SLCO5A1: variants seen among roughly 807,000 people sequenced by gnomAD.
SLCO5A1 encodes organic anion transporter polypeptide-related protein 4.
In SLCO5A1, 39 loss-of-function variants were observed where a neutral mutation model predicts 65.1. The ratio of observed to expected loss-of-function variants is 0.60; its 90% CI spans 0.46 to 0.78. The LOEUF is 0.78. Among genes scored for constraint, SLCO5A1 ranks in the 30% least tolerant of loss-of-function variants. SLCO5A1 has a pLI of 0.00. For synonymous variants in SLCO5A1, 438 were observed against 415.7 expected (o/e 1.05, Z -0.65); for missense variants, 1,029 against 1,069.4 (o/e 0.96, Z 0.53).
At chr8:69,735,908 C>T (rs1816533323) in intron 5 of SLCO5A1, among the ~76,000 whole-genome samples, 1 of 152,030 alleles carries the variant, frequency 6.6e-6, no homozygotes, top group South Asian at 2.1e-4. Flanking sequence ...ATTTGACAGG[C>T]CCCCCTCTAC....
At chr8:69,821,687 C>T (rs1563375204) in intron 2 of SLCO5A1, among the ~76,000 whole-genome samples, 2 of 151,640 alleles carry the variant, frequency 1.3e-5, no homozygotes, top group Non-Finnish European at 2.9e-5. Context: ...ACTTGTAGTC[C>T]CACCTACTCA....
chr8:69,773,176 C>A (rs373724950), intron 2 of SLCO5A1, among the ~76,000 whole-genome samples: 1 of 152,182 alleles, frequency 6.6e-6, no homozygotes, highest in African/African-American at 2.4e-5. Context: ...GCACCCTAGG[C>A]CCATCCTGTG....
chr8:69,740,225 G>A (rs1816737563), intron 4 of SLCO5A1, among the ~76,000 whole-genome samples: 1 of 152,184 alleles, frequency 6.6e-6, no homozygotes, highest in Non-Finnish European at 1.5e-5. Flanking sequence ...CTGGGGCTGA[G>A]CTTTCAGCCT....
chr8:69,678,506 G>T (rs747631817), intron 8 of SLCO5A1, among the ~76,000 whole-genome samples: 2 of 152,252 alleles, frequency 1.3e-5, no homozygotes, highest in Middle Eastern at 3.4e-3. Flanking sequence ...ACACTTACAC[G>T]TAGACAGATA....
At chr8:69,768,272 T>A (rs1045027138) in intron 2 of SLCO5A1, among the ~76,000 whole-genome samples, 12 of 152,194 alleles carry the variant, frequency 7.9e-5, no homozygotes, top group African/African-American at 2.9e-4. Flanking sequence ...TTTTATAGAT[T>A]GATTACATAT....
intron 2 of SLCO5A1, among the ~76,000 whole-genome samples, chr8:69,820,811 C>T (rs1158786250): frequency 6.6e-6 from 1 of 151,958 alleles, no homozygotes. Flanking sequence ...TAGACATATA[C>T]ACACATATAT....
chr8:69,720,044 T>C (rs183714998), intron 5 of SLCO5A1, among the ~76,000 whole-genome samples: 38 of 152,330 alleles, frequency 2.5e-4, no homozygotes, highest in African/African-American at 8.9e-4. Flanking sequence ...CCTACAAAAA[T>C]TTAAATTTTA....
At chr8:69,682,073 G>T in intron 7 of SLCO5A1, 111 bp downstream of exon 7, 3 of 1,157,262 alleles carry the variant, frequency 2.6e-6, no homozygotes, top group Non-Finnish European at 3.7e-6. Flanking sequence ...TAGGTTACTT[G>T]GAGCCTCTTG....
intron 2 of SLCO5A1, among the ~76,000 whole-genome samples, chr8:69,780,785 C>T (rs1255677333): frequency 6.6e-6 from 1 of 151,818 alleles, no homozygotes; most frequent in East Asian, 1.9e-4. Flanking sequence ...ACCTAAGACA[C>T]CATAAAATTA....
chr8:69,741,473 A>G (rs1302875307), intron 4 of SLCO5A1, among the ~76,000 whole-genome samples: 1 of 152,234 alleles, frequency 6.6e-6, no homozygotes, highest in Non-Finnish European at 1.5e-5. Flanking sequence ...CAGTGACTTT[A>G]TAGAACATAG....
chr8:69,783,259 T>C (rs1307620847), intron 2 of SLCO5A1, among the ~76,000 whole-genome samples: 1 of 152,132 alleles, frequency 6.6e-6, no homozygotes, highest in South Asian at 2.1e-4. Flanking sequence ...TTTGATAGCA[T>C]AATAGGATGA....
rs369933680 is a variant in SLCO5A1 at position 69,717,293 on chromosome 8, T to C, written c.1424-12064A>G. Among the ~76,000 whole-genome samples, 50 of 152,270 alleles carry C rather than the reference T, an allele frequency of 3.3e-4. No homozygotes were observed. In the South Asian group the frequency reaches 4.2e-3, roughly 13 times the overall value. On this transcript the variant is annotated intron_variant, in intron 5 of 9. Transcript: ENST00000260126. ...TTTGTATGTGGTATGAGGTAGGGGG[T>C]CCAACTTCATTCTTTTGCATGCGGC...
chr8:69,812,211 C>T (rs1362548706), intron 2 of SLCO5A1, among the ~76,000 whole-genome samples: 8 of 152,148 alleles, frequency 5.3e-5, no homozygotes, highest in Admixed American at 2.6e-4. Flanking sequence ...AACTTCTTAA[C>T]GTTAGTTTCA....
intron 7 of SLCO5A1, 64 bp from the exon 8 acceptor site, chr8:69,679,683 T>A (rs746964845): frequency 6.3e-7 from 1 of 1,575,974 alleles, no homozygotes. Context: ...ATAAGAATAT[T>A]AAGACAAAGT....
intron 2 of SLCO5A1, among the ~76,000 whole-genome samples, chr8:69,811,006 G>A (rs1205075431): frequency 6.6e-6 from 1 of 152,096 alleles, no homozygotes; most frequent in Non-Finnish European, 1.5e-5. Flanking sequence ...GCATTTCCAG[G>A]GCATTGGCTC....
rs116026643 is a variant in SLCO5A1 at position 69,787,648 on chromosome 8, G to A, written c.908-25773C>T. Among the ~76,000 whole-genome samples the A allele has an allele frequency of 2.8e-3, 423 of 152,288 alleles. 3 individuals are homozygous for A. Among genetic ancestry groups the A allele is most frequent in the African/African-American group, 7.8e-3 (324 of 41,554 alleles). On this transcript the variant is annotated intron_variant, in intron 2 of 9. Transcript: ENST00000260126. The stretch of plus-strand genomic sequence containing the variant: ...ACAAACGAACAAGTATTCACACTAA[G>A]TATGATTTTGAAAATAGCCTCAAAT...
At chr8:69,685,298 G>A (rs1023831917) in intron 6 of SLCO5A1, among the ~76,000 whole-genome samples, 2 of 152,142 alleles carry the variant, frequency 1.3e-5, no homozygotes, top group African/African-American at 4.8e-5. Context: ...TCTAATAATA[G>A]CACAAATGTT....
intron 6 of SLCO5A1, among the ~76,000 whole-genome samples, chr8:69,687,938 A>T (rs1255416249): frequency 6.6e-6 from 1 of 152,016 alleles, no homozygotes; most frequent in African/African-American, 2.4e-5. Context: ...AAGTTTAATG[A>T]TACTCATAGG....
chr8:69,745,016 C>T (rs1816960596), intron 4 of SLCO5A1, among the ~76,000 whole-genome samples: 1 of 152,084 alleles, frequency 6.6e-6, no homozygotes, highest in East Asian at 1.9e-4. Context: ...CAATATTGTC[C>T]TTTATCCAGC....
Sources: gnomAD v4.1 joint callset for allele counts (sites outside exome capture counted in the v4.1 genomes callset) on GRCh38, gnomAD v4.1.1 for gene constraint, MANE v1.5 for transcripts, NCBI Gene and HGNC (gene_info 2026-07-23, HGNC 2026-07-21) for gene names.